Variants in DNAJC21 observed in about 807,000 individuals in gnomAD.
DNAJC21 encodes the protein DnaJ heat shock protein family (Hsp40) member C21.
In DNAJC21, 63 loss-of-function variants were observed where a neutral mutation model predicts 72.4. The observed-to-expected ratio is 0.87, with a 90% CI of 0.71 to 1.07. The LOEUF is 1.07. DNAJC21 is among the 50% of genes least tolerant of loss of function. The pLI is 0.00. For synonymous variants in DNAJC21, 203 were observed against 216.7 expected (o/e 0.94, Z 0.56); for missense variants, 634 against 644.8 (o/e 0.98, Z 0.18).
intron 7 of DNAJC21, 150 bp from the exon 8 acceptor site, chr5:34,944,717 A>G: frequency 8.6e-7 from 1 of 1,163,012 alleles, no homozygotes; most frequent in South Asian, 1.4e-5. Context: ...TCATGAACAA[A>G]TAAAAAAAAA....
intron 3 of DNAJC21, 90 bp downstream of exon 3, chr5:34,935,923 G>A: frequency 6.4e-7 from 1 of 1,556,900 alleles, no homozygotes. Flanking sequence ...TTCTGTAATA[G>A]AAAGTGAAGC....
At chr5:34,933,646 T>C (rs1378926802) in intron 1 of DNAJC21, among the ~76,000 whole-genome samples, 169 bp from the exon 2 acceptor site, 2 of 152,130 alleles carry the variant, frequency 1.3e-5, no homozygotes, top group African/African-American at 4.8e-5. Context: ...GATTGTTGCT[T>C]TTAACAAATC....
At chr5:34,954,311 C>CT (rs1435530554) in intron 11 of DNAJC21, 17 of 491,258 alleles carry the variant, frequency 3.5e-5, no homozygotes, top group Non-Finnish European at 1.0e-5. Flanking sequence ...AACTCTTCCT[C>CT]TTTTTTAGTC....
At chr5:34,943,197 A>G (rs1210438693) in intron 7 of DNAJC21, among the ~76,000 whole-genome samples, 1 of 152,170 alleles carries the variant, frequency 6.6e-6, no homozygotes, top group South Asian at 2.1e-4. Flanking sequence ...TTGCCAATCA[A>G]TTATTTATTA....
At chr5:34,938,814 C>A in intron 5 of DNAJC21, 44 bp from the exon 6 acceptor site, 1 of 1,527,624 alleles carries the variant, frequency 6.5e-7, no homozygotes, top group Non-Finnish European at 8.8e-7. Flanking sequence ...GAAAACCATG[C>A]AGAGGCGTGC....
chr5:34,940,434 G>C (rs1764948453), intron 6 of DNAJC21, among the ~76,000 whole-genome samples: 1 of 152,124 alleles, frequency 6.6e-6, no homozygotes, highest in Non-Finnish European at 1.5e-5. Context: ...AAGATACCTT[G>C]AGATATTTAT....
At chr5:34,947,910 A>T (rs1245817663) in intron 9 of DNAJC21, among the ~76,000 whole-genome samples, 1 of 152,144 alleles carries the variant, frequency 6.6e-6, no homozygotes, top group Non-Finnish European at 1.5e-5. Flanking sequence ...AATCAAATTT[A>T]AAAATTTTAA....
chr5:34,930,184 A>G, intron 1 of DNAJC21: 1 of 259,050 alleles, frequency 3.9e-6, no homozygotes, highest in South Asian at 1.2e-4. Context: ...ACTGCAGTCC[A>G]ACAACCTCAC....
intron 10 of DNAJC21, chr5:34,952,296 G>A (rs932253790): frequency 2.1e-6 from 2 of 961,798 alleles, no homozygotes; most frequent in Non-Finnish European, 2.5e-6. Flanking sequence ...TTGAAAATTA[G>A]TATGTATTAT....
rs141093051 is a variant in DNAJC21, at chr5:34,938,821, G to A, written c.744-37G>A. On this transcript the variant is annotated intron_variant, in intron 5 of 11. Transcript: ENST00000648817. ...TAGTAAGTGAAAACCATGCAGAGGC[G>A]TGCTTGTCGCTGTGAGACTGTGCTG... 3.8e-4 allele frequency: 587 copies of A among 1,545,934 alleles called. 1 individual carries two copies. The highest frequency in any genetic ancestry group is 4.3e-4 in the Non-Finnish European group (494 of 1,147,538).
Position 34,937,458 on chromosome 5 carries a change from A to AT in DNAJC21, c.573dup (p.Arg192SerfsTer10). 1 of 1,614,206 alleles carries AT rather than the reference A, an allele frequency of 6.2e-7. No homozygotes were observed. Among genetic ancestry groups the AT allele is most frequent in the Non-Finnish European group, 8.5e-7 (1 of 1,180,006 alleles). On this transcript the variant is annotated frameshift_variant, in exon 5 of 12. Coordinates refer to ENST00000648817, the MANE Select transcript of DNAJC21 (RefSeq NM_001012339.3). LOFTEE classifies it high-confidence loss of function. ...AGCCATGGAAAAAGAAAACAAAAAGATTCGGGACAAAGCAAGGAAAGAGAA... is the reference window on the plus strand; with the variant it reads ...AGCCATGGAAAAAGAAAACAAAAAGATTTCGGGACAAAGCAAGGAAAGAGAA...
intron 7 of DNAJC21, among the ~76,000 whole-genome samples, 188 bp from the exon 8 acceptor site, chr5:34,944,679 C>G (rs1425582814): frequency 1.3e-5 from 2 of 151,456 alleles, no homozygotes; most frequent in Non-Finnish European, 3.0e-5. Flanking sequence ...CCAAGGAATC[C>G]TGACACGTTC....
chr5:34,949,607 G>A lies in DNAJC21; in HGVS notation c.1186-563G>A, dbSNP rs777391034. 14 of 1,595,454 alleles carry A rather than the reference G, an allele frequency of 8.8e-6. No homozygotes were observed. Among genetic ancestry groups the A allele is most frequent in the Non-Finnish European group, 1.2e-5 (14 of 1,168,140 alleles). On this transcript the variant is annotated intron_variant, in intron 9 of 11. Transcript: ENST00000648817. ...TTTCAGATGGCTTGGGGAAAAAAGT[G>A]TGTGTTGGGAGAGAGAAGAGATGGA...
intron 7 of DNAJC21, among the ~76,000 whole-genome samples, chr5:34,942,666 C>T (rs1467132270): frequency 1.3e-5 from 2 of 152,124 alleles, no homozygotes; most frequent in South Asian, 2.1e-4. Context: ...TGCATGTCCT[C>T]TTTCTCTCTA....
intron 2 of DNAJC21, among the ~76,000 whole-genome samples, chr5:34,934,791 C>G (rs537285847): frequency 9.8e-5 from 15 of 152,306 alleles, no homozygotes; most frequent in African/African-American, 3.1e-4. Context: ...AGTCATCTTT[C>G]TGTTAAACAG....
At chr5:34,942,806 C>T (rs1368170407) in intron 7 of DNAJC21, among the ~76,000 whole-genome samples, 2 of 152,126 alleles carry the variant, frequency 1.3e-5, no homozygotes, top group Non-Finnish European at 2.9e-5. Context: ...CAGTGGCTCA[C>T]GCCTGTAATC....
intron 7 of DNAJC21, among the ~76,000 whole-genome samples, chr5:34,943,174 C>T (rs1433487089): frequency 6.6e-6 from 1 of 152,098 alleles, no homozygotes; most frequent in Non-Finnish European, 1.5e-5. Flanking sequence ...AATTTACTAC[C>T]TGCATTCCAA....
intron 11 of DNAJC21, 114 bp downstream of exon 11, chr5:34,954,115 A>T: frequency 1.1e-6 from 1 of 876,316 alleles, no homozygotes; most frequent in African/African-American, 1.7e-5. Context: ...GCCTGCAAAG[A>T]TGTGGATCCA....
At chr5:34,951,877 CT>C in intron 10 of DNAJC21, 1 of 985,438 alleles carries the variant, frequency 1.0e-6, no homozygotes, top group Non-Finnish European at 1.2e-6. Context: ...GGTTCTCAGG[CT>C]TGGGCAACCA....
Sources: allele counts gnomAD v4.1 joint callset (sites outside exome capture counted in the v4.1 genomes callset), GRCh38; gene constraint gnomAD v4.1.1; transcripts MANE v1.5; gene names NCBI Gene and HGNC (gene_info 2026-07-23, HGNC 2026-07-21).